The following SDR9C7 variants were observed in gnomAD, a reference collection of about 807,000 sequenced individuals.
SDR9C7 encodes the protein short-chain dehydrogenase/reductase family 9C member 7.
SDR9C7 carries 11 observed loss-of-function variants against 23.6 expected under a neutral mutation model. The observed-to-expected ratio is 0.47, with a 90% CI of 0.29 to 0.77. The LOEUF (loss-of-function observed/expected upper bound fraction) is 0.77, where lower values mean the gene tolerates loss of function less well. SDR9C7 is among the 30% of genes least tolerant of loss of function. The probability of loss-of-function intolerance (pLI) is 0.09; values close to 1 mark genes in which losing one functional copy is unlikely to be tolerated. For missense variants in SDR9C7, 387 were observed against 407.1 expected, an observed-to-expected ratio of 0.95 and a Z score of 0.42; for synonymous variants, 167 against 157.3, an observed-to-expected ratio of 1.06 and a Z score of -0.46.
chr12:56,934,288 A>G lies in SDR9C7; in HGVS notation c.-27T>C. On this transcript the variant is annotated 5_prime_UTR_variant, in exon 1 of 4. Coordinates refer to ENST00000293502, the MANE Select transcript of SDR9C7 (RefSeq NM_148897.3). ...GGGCAAGGGGAATGTGATGGCCAAG[A>G]GGGACTGGGCTCAGGAGACAGCAGG... 6.3e-7 allele frequency: 1 copy of G among 1,593,860 alleles called. No homozygotes were observed. The highest frequency in any genetic ancestry group is 8.6e-7 in the Non-Finnish European group (1 of 1,167,948).
Position 56,929,496 on chromosome 12 carries a change from C to A in SDR9C7, c.618G>T (p.Arg206=). ...GGTTCTCCTTGCCGAGAATGGCTGT[C>A]CGATAGTTCCCTGGCTCAATGATGC... The part of the protein sequence containing the change: ...KVCIIEPGNY[R]TAILGKENLE... Residue 206 remains arginine (R), a synonymous_variant, in exon 3 of 4, where the codon CGG becomes CGT. Transcript: ENST00000293502. The A allele has an allele frequency of 6.2e-7, 1 of 1,613,688 alleles. No individual in the cohort carries two copies. The highest frequency in any genetic ancestry group is 1.3e-5 in the African/African-American group (1 of 75,016).
rs973252468 is a variant in SDR9C7, at chr12:56,929,546, G to T, written c.568C>A (p.Leu190Ile). The change falls in exon 3 of 4, where the codon CTC becomes ATC. Residue 190 changes from leucine to isoleucine, a missense_variant. By Grantham distance (5) the Leu-to-Ile change is conservative. Transcript: ENST00000293502. The part of the protein sequence containing the change: ...EAFSDSIRRE[L>I]YYFGVKVCII... ...CAGACTTTCACCCCAAAGTAGTAGA[G>T]CTCACGCCTGGGAAAGAAGAGTTGC... 2 of 1,598,352 alleles carry T rather than the reference G, an allele frequency of 1.3e-6. No homozygotes were observed. The highest frequency in any genetic ancestry group is 3.3e-4 in the Middle Eastern group (2 of 6,026).
At position 56,923,778 on chromosome 12, in the gene SDR9C7, G is replaced by A; in HGVS notation, c.*55C>T. 7.2e-7 allele frequency: 1 copy of A among 1,382,226 alleles called. No individual in the cohort carries two copies. Among genetic ancestry groups the A allele is most frequent in the Non-Finnish European group, 9.9e-7 (1 of 1,008,136 alleles). 85.6% of individuals were successfully genotyped at this position (1,382,226 alleles called of 1,614,324 possible). On this transcript the variant is annotated 3_prime_UTR_variant, in exon 4 of 4. Coordinates refer to ENST00000293502, the MANE Select transcript of SDR9C7 (RefSeq NM_148897.3). ...CGATACCACCTTTTGTGACCCCACG[G>A]TCCTTCCTTCCTCCCCCACTTCTAG...
At chr12:56,927,273 A>G (rs530170382) in intron 3 of SDR9C7, among the ~76,000 whole-genome samples, 1 of 152,294 alleles carries the variant, frequency 6.6e-6, no homozygotes, top group African/African-American at 2.4e-5. Flanking sequence ...AGATGCTACA[A>G]GCTCTCTTCA....
intron 3 of SDR9C7, among the ~76,000 whole-genome samples, chr12:56,927,619 G>A (rs1380822481): frequency 6.6e-6 from 1 of 152,168 alleles, no homozygotes; most frequent in African/African-American, 2.4e-5. Context: ...CCCCCATGAC[G>A]CGGTCACCAT....
intron 3 of SDR9C7, among the ~76,000 whole-genome samples, chr12:56,925,442 A>G (rs11172065): frequency 0.15 from 22,190 of 152,184 alleles, 1,754 homozygotes; most frequent in Middle Eastern, 0.23. Flanking sequence ...AGGAAGCCAA[A>G]GCTGCCCTGA....
chr12:56,931,731 C>G (rs979802830), intron 1 of SDR9C7, among the ~76,000 whole-genome samples: 1 of 152,090 alleles, frequency 6.6e-6, no homozygotes, highest in African/African-American at 2.4e-5. Context: ...CTAAACACTC[C>G]TCAAGGACCC....
chr12:56,925,734 G>A (rs970602524), intron 3 of SDR9C7, among the ~76,000 whole-genome samples: 1 of 152,240 alleles, frequency 6.6e-6, no homozygotes, highest in African/African-American at 2.4e-5. Context: ...TGGCACAGAG[G>A]CCACCAGCAG....
At position 56,923,722 on chromosome 12, in the gene SDR9C7, C is replaced by G. The variant is rs1444658767; in HGVS notation, c.*111G>C. The G allele has an allele frequency of 1.8e-5, 16 of 887,088 alleles. No individual in the cohort carries two copies. Among genetic ancestry groups the G allele is most frequent in the Non-Finnish European group, 2.8e-5 (16 of 580,526 alleles). 55.0% of individuals were successfully genotyped at this position (887,088 alleles called of 1,614,324 possible). ...AGCAGTGGGTGTCAGCTGAGCCAAGCTTCCTTTGCAGCCAATGCCCCCAGG... is the reference window on the plus strand; with the variant it reads ...AGCAGTGGGTGTCAGCTGAGCCAAGGTTCCTTTGCAGCCAATGCCCCCAGG... On this transcript the variant is annotated 3_prime_UTR_variant, in exon 4 of 4. Transcript: ENST00000293502.
chr12:56,924,063 A>G lies in SDR9C7; in HGVS notation c.725-13T>C, dbSNP rs1955716275. On this transcript the variant is annotated splice_polypyrimidine_tract_variant and intron_variant, in intron 3 of 3. Transcript: ENST00000293502. ...AACTTGTCAGTATCTGTTTGAGGGC[A>G]GAGAGGGGAAAAAGGCTCTGTTATT... 3.2e-6 allele frequency: 5 copies of G among 1,571,966 alleles called. No homozygotes were observed. In the South Asian group the frequency reaches 5.6e-5, roughly 18 times the overall value.
Position 56,930,328 on chromosome 12 carries a change from C to A in SDR9C7, c.458G>T (p.Gly153Val). Reference protein sequence around the residue: ...HMLPMVKRARGRVVNMSSSGG... With the variant: ...HMLPMVKRARVRVVNMSSSGG... ...AGAGCTGGACATGTTGACAACCCTG[C>A]CCCGGGCTCTCTTGACCATGGGCAG... Residue 153 changes from glycine (G) to valine (V), a missense_variant, in exon 2 of 4, where the codon GGC becomes GTC. Physicochemically the swap from Gly to Val is moderately radical, Grantham distance 109. Transcript: ENST00000293502. 1.9e-6 allele frequency: 3 copies of A among 1,614,162 alleles called. No homozygotes were observed. The highest frequency in any genetic ancestry group is 2.5e-6 in the Non-Finnish European group (3 of 1,180,034).
At chr12:56,933,680 T>A (rs1565614309) in intron 1 of SDR9C7, among the ~76,000 whole-genome samples, 1 of 152,194 alleles carries the variant, frequency 6.6e-6, no homozygotes, top group Non-Finnish European at 1.5e-5. Context: ...TTTTAGAGGT[T>A]TGGACACACA....
Position 56,930,253 on chromosome 12 carries a change from C to T in SDR9C7, c.533G>A (p.Gly178Asp). 1 of 1,614,132 alleles carries T rather than the reference C, an allele frequency of 6.2e-7. No homozygotes were observed. Among genetic ancestry groups the T allele is most frequent in the East Asian group, 2.2e-5 (1 of 44,888 alleles). Residue 178 changes from glycine (G) to aspartate (D), a missense_variant, in exon 2 of 4, where the codon GGC becomes GAC. Physicochemically the swap from Gly to Asp is moderately conservative, Grantham distance 94. Coordinates refer to ENST00000293502, the MANE Select transcript of SDR9C7 (RefSeq NM_148897.3). Reference sequence around the variant, plus strand: ...TATGCTGTCAGAGAAGGCCTCAACGCCAAACTTGGAGACGCAGTAGCCACC... The same window carrying T: ...TATGCTGTCAGAGAAGGCCTCAACGTCAAACTTGGAGACGCAGTAGCCACC... ...IGGGYCVSKFGVEAFSDSIRR... is the reference protein window; with the variant it reads ...IGGGYCVSKFDVEAFSDSIRR...
chr12:56,926,398 C>A (rs1955733868), intron 3 of SDR9C7, among the ~76,000 whole-genome samples: 1 of 152,220 alleles, frequency 6.6e-6, no homozygotes, highest in African/African-American at 2.4e-5. Context: ...TGACACAAAT[C>A]TGATCCTTCA....
intron 1 of SDR9C7, among the ~76,000 whole-genome samples, chr12:56,931,535 T>TC (rs1955768063): frequency 6.6e-6 from 1 of 152,124 alleles, no homozygotes; most frequent in African/African-American, 2.4e-5. Context: ...GAGCTTCAGG[T>TC]CCAGTCCTGG....
At position 56,923,729 on chromosome 12, in the gene SDR9C7, T is replaced by C; in HGVS notation, c.*104A>G. ...GGTGTCAGCTGAGCCAAGCTTCCTT[T>C]GCAGCCAATGCCCCCAGGATAACCG... On this transcript the variant is annotated 3_prime_UTR_variant, in exon 4 of 4. Transcript: ENST00000293502. The C allele has an allele frequency of 1.1e-6, 1 of 933,764 alleles. No homozygotes were observed. Among genetic ancestry groups the C allele is most frequent in the Non-Finnish European group, 1.6e-6 (1 of 621,696 alleles). The allele number at this position is 933,764 out of a possible 1,614,324, so 57.8% of individuals were successfully genotyped here. A position where few individuals can be genotyped will look rare whatever the true frequency, so the allele number is the denominator to read the frequency against.
At position 56,929,407 on chromosome 12, in the gene SDR9C7, T is replaced by G. The variant is rs1592423090; in HGVS notation, c.707A>C (p.Glu236Ala). 6.2e-7 allele frequency: 1 copy of G among 1,606,196 alleles called. No individual in the cohort carries two copies. Among genetic ancestry groups the G allele is most frequent in the East Asian group, 2.2e-5 (1 of 44,552 alleles). The change falls in exon 3 of 4, where the codon GAG (glutamate) becomes GCG (alanine). Residue 236 changes from glutamate to alanine, a missense_variant. Transcript: ENST00000293502. ...LPQETRDSYG[E>A]DYFRIYTDKL... The stretch of plus-strand genomic sequence containing the variant: ...GAACTTACAGATGCGGAAATAATCC[T>G]CTCCGTAGCTGTCCCGGGTCTCCTG...
In SDR9C7 at chr12:56,923,825, TC is replaced by T; in HGVS notation, c.*7del. The T allele has an allele frequency of 6.3e-7, 1 of 1,580,028 alleles. No homozygotes were observed. The highest frequency in any genetic ancestry group is 8.6e-7 in the Non-Finnish European group (1 of 1,159,040). ...CTAGGCTCCACTGACCCATTGATCC[TC>T]CCCAGTTTAGACACTGTCCGCTGGC... On this transcript the variant is annotated 3_prime_UTR_variant, in exon 4 of 4. Coordinates refer to ENST00000293502, the MANE Select transcript of SDR9C7 (RefSeq NM_148897.3).
At chr12:56,924,536 A>G (rs1955720648) in intron 3 of SDR9C7, among the ~76,000 whole-genome samples, 1 of 152,256 alleles carries the variant, frequency 6.6e-6, no homozygotes, top group African/African-American at 2.4e-5. Flanking sequence ...TGATGAGAAG[A>G]ACTGTGCACA....
Sources: gnomAD v4.1 joint callset for allele counts (sites outside exome capture counted in the v4.1 genomes callset) on GRCh38, gnomAD v4.1.1 for gene constraint, MANE v1.5 for transcripts, NCBI Gene and HGNC (gene_info 2026-07-23, HGNC 2026-07-21) for gene names.